The following CADPS variants were observed in gnomAD, a reference collection of about 807,000 sequenced individuals.
CADPS encodes calcium dependent secretion activator.
Under a neutral mutation model 167.3 loss-of-function variants are expected in CADPS, and 57 were observed. The ratio of observed to expected loss-of-function variants is 0.34; its 90% CI spans 0.28 to 0.42. The LOEUF (loss-of-function observed/expected upper bound fraction) is 0.42, where lower values mean the gene tolerates loss of function less well. Ranked by LOEUF, CADPS falls within the 20% of genes least tolerant of loss-of-function variation. The pLI is 1.00. For missense variants in CADPS, 1,414 were observed against 1,738.1 expected, an observed-to-expected ratio of 0.81 and a Z score of 3.32; for synonymous variants, 676 against 635.3, an observed-to-expected ratio of 1.06 and a Z score of -0.96.
chr3:62,490,871 C>T (rs1376918), intron 21 of CADPS, among the ~76,000 whole-genome samples: 1 of 152,142 alleles, frequency 6.6e-6, no homozygotes, highest in Non-Finnish European at 1.5e-5. Flanking sequence ...TGCTTTCATG[C>T]TACAATGACA....
chr3:62,790,090 A>AT, intron 1 of CADPS, among the ~76,000 whole-genome samples: 1 of 152,272 alleles, frequency 6.6e-6, no homozygotes, highest in East Asian at 1.9e-4. Flanking sequence ...AAAATATGTG[A>AT]TTTTTGATAT....
chr3:62,814,668 T>C (rs1306100189), intron 1 of CADPS, among the ~76,000 whole-genome samples: 1 of 152,160 alleles, frequency 6.6e-6, no homozygotes, highest in Non-Finnish European at 1.5e-5. Flanking sequence ...GTTCTCAAAC[T>C]TACAATTCCT....
chr3:62,440,941 T>C (rs1393308229), intron 27 of CADPS: 2 of 152,162 alleles, frequency 1.3e-5, no homozygotes, highest in South Asian at 2.1e-4. Flanking sequence ...GGGAAAGACA[T>C]GGTCACAATG....
chr3:62,593,399 G>T (rs1057508294), intron 6 of CADPS, among the ~76,000 whole-genome samples: 9 of 152,208 alleles, frequency 5.9e-5, no homozygotes, highest in Non-Finnish European at 1.0e-4. Context: ...TCTGGGTAGA[G>T]CACCAGGTGC....
intron 10 of CADPS, among the ~76,000 whole-genome samples, chr3:62,551,787 C>G (rs975450088): frequency 2.6e-5 from 4 of 152,170 alleles, no homozygotes; most frequent in Admixed American, 6.5e-5. Flanking sequence ...TTGCTTTTCT[C>G]TGTGCCTGGA....
chr3:62,659,453 T>G (rs2072602127), intron 4 of CADPS, among the ~76,000 whole-genome samples: 1 of 152,196 alleles, frequency 6.6e-6, no homozygotes, highest in South Asian at 2.1e-4. Context: ...AGCAGGTACA[T>G]GGCTGAAGCT....
intron 1 of CADPS, among the ~76,000 whole-genome samples, chr3:62,801,160 A>G (rs2093738929): frequency 6.6e-6 from 1 of 152,192 alleles, no homozygotes; most frequent in South Asian, 2.1e-4. Flanking sequence ...ACTAACAGAT[A>G]GTGCTTCAAG....
At chr3:62,766,939 C>T (rs535795410) in intron 1 of CADPS, among the ~76,000 whole-genome samples, 6 of 152,068 alleles carry the variant, frequency 3.9e-5, no homozygotes, top group Non-Finnish European at 7.4e-5. Context: ...TCTTATTCAT[C>T]GAAGTTTTCC....
chr3:62,757,374 G>A (rs1265869593), intron 2 of CADPS, among the ~76,000 whole-genome samples: 1 of 152,112 alleles, frequency 6.6e-6, no homozygotes, highest in Non-Finnish European at 1.5e-5. Context: ...ATAAGTTCCA[G>A]GGAGGCAGGG....
At chr3:62,614,057 C>A (rs2061892176) in intron 6 of CADPS, among the ~76,000 whole-genome samples, 2 of 152,158 alleles carry the variant, frequency 1.3e-5, no homozygotes, top group Non-Finnish European at 2.9e-5. Context: ...TTGTTAAACT[C>A]AAGGCTGAGT....
intron 1 of CADPS, among the ~76,000 whole-genome samples, chr3:62,857,487 A>G (rs1053972212): frequency 4.6e-5 from 7 of 152,054 alleles, no homozygotes; most frequent in African/African-American, 1.7e-4. Context: ...AATCAATACA[A>G]CCAGTTAAAT....
intron 3 of CADPS, among the ~76,000 whole-genome samples, chr3:62,680,580 T>G (rs1246753581): frequency 6.6e-6 from 1 of 152,034 alleles, no homozygotes; most frequent in Non-Finnish European, 1.5e-5. Context: ...TCTTCCTTAC[T>G]TCAGCACCTT....
intron 6 of CADPS, among the ~76,000 whole-genome samples, chr3:62,615,051 C>A (rs977287087): frequency 2.0e-5 from 3 of 152,098 alleles, no homozygotes; most frequent in Non-Finnish European, 4.4e-5. Flanking sequence ...GATACAGGAC[C>A]TCAGAGTGAG....
intron 1 of CADPS, among the ~76,000 whole-genome samples, chr3:62,828,861 T>C (rs1559816115): frequency 1.3e-5 from 2 of 152,152 alleles, no homozygotes; most frequent in African/African-American, 4.8e-5. Flanking sequence ...GGCCTACCTG[T>C]GTTTTCTCTT....
chr3:62,862,217 G>GTTT (rs34987223), intron 1 of CADPS, among the ~76,000 whole-genome samples: 148 of 131,812 alleles, frequency 1.1e-3, no homozygotes, highest in African/African-American at 3.8e-3. Flanking sequence ...GAAAACAGTG[G>GTTT]TTTTTTTTTT....
chr3:62,573,230 C>T (rs935592223), intron 8 of CADPS, among the ~76,000 whole-genome samples: 1 of 152,186 alleles, frequency 6.6e-6, no homozygotes, highest in Non-Finnish European at 1.5e-5. Flanking sequence ...ATACTTTGTA[C>T]AATGTAAATA....
chr3:62,436,869 A>C (rs1235223365), intron 28 of CADPS, among the ~76,000 whole-genome samples: 1 of 149,650 alleles, frequency 6.7e-6, no homozygotes, highest in Non-Finnish European at 1.5e-5. Flanking sequence ...AAAGAAAAGA[A>C]AAAAAAAGAA....
At chr3:62,701,844 AC>A (rs2081458654) in intron 3 of CADPS, among the ~76,000 whole-genome samples, 1 of 152,010 alleles carries the variant, frequency 6.6e-6, no homozygotes, top group Non-Finnish European at 1.5e-5. Flanking sequence ...AAAACTCAGG[AC>A]CCCAACTCAC....
chr3:62,610,416 C>A (rs2061346340), intron 6 of CADPS, among the ~76,000 whole-genome samples: 1 of 151,860 alleles, frequency 6.6e-6, no homozygotes, highest in African/African-American at 2.4e-5. Context: ...AGGCCTGGAT[C>A]ATTTTTGTAT....
Sources: gnomAD v4.1 joint callset for allele counts (sites outside exome capture counted in the v4.1 genomes callset) on GRCh38, gnomAD v4.1.1 for gene constraint, MANE v1.5 for transcripts, NCBI Gene and HGNC (gene_info 2026-07-23, HGNC 2026-07-21) for gene names.